The following PI4KA variants were observed in gnomAD, a reference collection of about 807,000 sequenced individuals.
PI4KA encodes PI4-kinase alpha.
PI4KA carries 122 observed loss-of-function variants against 271.4 expected under a neutral mutation model. That is an observed-to-expected ratio of 0.45 (90% CI 0.39 to 0.52). The LOEUF (loss-of-function observed/expected upper bound fraction) is 0.52, where lower values mean the gene tolerates loss of function less well. PI4KA is among the 20% of genes least tolerant of loss of function. The pLI is 0.00. For missense variants in PI4KA, 1,969 were observed against 2,769.1 expected, an observed-to-expected ratio of 0.71 and a Z score of 6.48; for synonymous variants, 1,041 against 1,078.8, an observed-to-expected ratio of 0.96 and a Z score of 0.69.
At chr22:20,774,322 T>C (rs936610871) in intron 19 of PI4KA, among the ~76,000 whole-genome samples, 8 of 152,218 alleles carry the variant, frequency 5.3e-5, no homozygotes, top group African/African-American at 9.7e-5. Flanking sequence ...AGTTCCATTG[T>C]TGGGAGAGTT....
At position 20,733,771 on chromosome 22, in the gene PI4KA, G is replaced by A. The variant is rs149385089; in HGVS notation, c.4125C>T (p.Arg1375=). Reference sequence around the variant, plus strand: ...CAAAGGCAGTGGAGTAGATCTTCTCGCGAAGCACATTGCGGATGGTTGCAT... The same window carrying A: ...CAAAGGCAGTGGAGTAGATCTTCTCACGAAGCACATTGCGGATGGTTGCAT... The part of the protein sequence containing the change: ...VPNATIRNVL[R]EKIYSTAFDY... The change falls in exon 35 of 55, where the codon CGC becomes CGT. Residue 1375 remains arginine, a synonymous_variant. Transcript: ENST00000255882. 111 of 1,613,452 alleles carry A rather than the reference G, an allele frequency of 6.9e-5. No homozygotes were observed. The African/African-American group carries it at 9.6e-4, about 14-fold the overall frequency.
intron 19 of PI4KA, among the ~76,000 whole-genome samples, chr22:20,771,009 G>T (rs564127136): frequency 6.6e-6 from 1 of 151,914 alleles, no homozygotes; most frequent in South Asian, 2.1e-4. Flanking sequence ...GTGAGACCCC[G>T]CTTTTTTCTA....
intron 1 of PI4KA, among the ~76,000 whole-genome samples, chr22:20,844,826 A>G (rs761107751): frequency 1.1e-4 from 17 of 152,230 alleles, no homozygotes; most frequent in Non-Finnish European, 2.2e-4. Flanking sequence ...ACATATGATG[A>G]AACAGACACA....
chr22:20,758,021 G>A (rs1177286032), intron 23 of PI4KA, among the ~76,000 whole-genome samples: 1 of 152,092 alleles, frequency 6.6e-6, no homozygotes, highest in Non-Finnish European at 1.5e-5. Context: ...TCCACACACA[G>A]CCCAGGATGG....
intron 1 of PI4KA, among the ~76,000 whole-genome samples, chr22:20,844,870 TA>T (rs1555909789): frequency 6.6e-6 from 1 of 152,196 alleles, no homozygotes; most frequent in Non-Finnish European, 1.5e-5. Context: ...GATAAAGCAT[TA>T]ACCCTCTAGT....
chr22:20,716,474 G>A (rs1926018096), intron 45 of PI4KA, among the ~76,000 whole-genome samples: 1 of 152,200 alleles, frequency 6.6e-6, no homozygotes, highest in African/African-American at 2.4e-5. Context: ...AGCCCTGAGA[G>A]GTGGGCTTTG....
chr22:20,742,079 T>C, intron 32 of PI4KA, 149 bp downstream of exon 32: 2 of 765,862 alleles, frequency 2.6e-6, no homozygotes, highest in Non-Finnish European at 2.1e-6. Context: ...CTGTCAGGTA[T>C]AATAATAGAA....
intron 22 of PI4KA, among the ~76,000 whole-genome samples, chr22:20,763,982 G>A (rs990250305): frequency 1.3e-5 from 2 of 152,202 alleles, no homozygotes; most frequent in Non-Finnish European, 2.9e-5. Flanking sequence ...TGGCAACAAT[G>A]AAAGGCTAAA....
intron 1 of PI4KA, among the ~76,000 whole-genome samples, chr22:20,849,044 G>T (rs1926629595): frequency 6.6e-6 from 1 of 152,142 alleles, no homozygotes; most frequent in Non-Finnish European, 1.5e-5. Flanking sequence ...CTCCAAAGAA[G>T]ATCTACAAAT....
intron 45 of PI4KA, 32 bp from the exon 46 acceptor site, chr22:20,714,732 G>C: frequency 6.2e-7 from 1 of 1,604,582 alleles, no homozygotes; most frequent in Non-Finnish European, 8.5e-7. Context: ...CACAGGGAGT[G>C]CATGTGTCAC....
chr22:20,751,366 T>G lies in PI4KA; in HGVS notation c.3080A>C (p.Lys1027Thr), dbSNP rs766657047. 5 of 1,613,616 alleles carry G rather than the reference T, an allele frequency of 3.1e-6. No homozygotes were observed. The African/African-American group carries it at 6.7e-5, about 22-fold the overall frequency. ...GGGGATGTCATAGTAAGGCTGATCC[T>G]TGTGAATATCCTGCAAGCACAGCAA... ...LSLSLSADIH[K>T]DQPYYDIPDA... Residue 1027 changes from lysine to threonine, a missense_variant, in exon 27 of 55, where the codon AAG (lysine) becomes ACG (threonine). By Grantham distance (78) the Lys-to-Thr change is moderately conservative. Around this residue, in one of 13 missense-constraint regions of PI4KA, gnomAD observed 368 missense variants for 544.3 expected, o/e 0.68. Coordinates refer to ENST00000255882, the MANE Select transcript of PI4KA (RefSeq NM_058004.4).
At position 20,792,862 on chromosome 22, in the gene PI4KA, G is replaced by GC. The variant is rs200151035; in HGVS notation, c.2328+330dup. ...GGGATGGAAGCAGGGAGCTGGCCCAGCATCAGTCACAAGGGCATGAGACAC... is the reference window on the plus strand; with the variant it reads ...GGGATGGAAGCAGGGAGCTGGCCCAGCCATCAGTCACAAGGGCATGAGACAC... On this transcript the variant is annotated intron_variant, in intron 19 of 54. Transcript: ENST00000255882. Among the ~76,000 whole-genome samples, 43 of 152,330 alleles carry GC rather than the reference G, an allele frequency of 2.8e-4. 1 individual carries two copies. In the East Asian group the frequency reaches 8.1e-3, roughly 29 times the overall value.
intron 22 of PI4KA, among the ~76,000 whole-genome samples, chr22:20,762,240 A>G (rs1932042334): frequency 6.6e-6 from 1 of 152,120 alleles, no homozygotes; most frequent in Non-Finnish European, 1.5e-5. Context: ...CTCTGCACCA[A>G]CCTGTCAAGA....
chr22:20,819,658 C>T lies in PI4KA; in HGVS notation c.772G>A (p.Val258Met). 2 of 1,614,040 alleles carry T rather than the reference C, an allele frequency of 1.2e-6. No individual in the cohort carries two copies. Among genetic ancestry groups the T allele is most frequent in the Non-Finnish European group, 1.7e-6 (2 of 1,179,964 alleles). The part of the protein sequence containing the change: ...EGTLKRKTSS[V>M]SSISQVSPER... The stretch of plus-strand genomic sequence containing the variant: ...AGGCCCACCTGAGAGATGCTGGACA[C>T]ACTGCTGGTTTTCCTCTTCAGGGTA... Residue 258 changes from valine (V) to methionine (M), a missense_variant, in exon 6 of 55, where the codon GTG becomes ATG. Val to Met is a conservative substitution (Grantham distance 21). This residue lies in a region of PI4KA where 540 missense variants were observed against 555.5 expected (regional missense o/e 0.97). Coordinates refer to ENST00000255882, the MANE Select transcript of PI4KA (RefSeq NM_058004.4).
chr22:20,721,550 A>T, intron 42 of PI4KA, 132 bp from the exon 43 acceptor site: 1 of 895,994 alleles, frequency 1.1e-6, no homozygotes, highest in Non-Finnish European at 1.8e-6. Flanking sequence ...TGGTGTGGAC[A>T]AGCTCTCCAG....
At chr22:20,748,852 G>C (rs1385991754) in intron 28 of PI4KA, among the ~76,000 whole-genome samples, 4 of 152,136 alleles carry the variant, frequency 2.6e-5, no homozygotes, top group African/African-American at 9.7e-5. Flanking sequence ...CAGATTCGGG[G>C]AAGGCTGAGG....
chr22:20,773,871 C>A (rs1933035715), intron 19 of PI4KA: 2 of 152,280 alleles, frequency 1.3e-5, no homozygotes, highest in Non-Finnish European at 2.9e-5. Flanking sequence ...TGCTCCTGCA[C>A]CAAGGCTATG....
chr22:20,849,454 A>G (rs1926685310), intron 1 of PI4KA, among the ~76,000 whole-genome samples: 1 of 152,220 alleles, frequency 6.6e-6, no homozygotes, highest in Admixed American at 6.5e-5. Flanking sequence ...ACATCCACCT[A>G]CTAATGAATG....
intron 7 of PI4KA, among the ~76,000 whole-genome samples, chr22:20,816,887 GC>G (rs1324385916): frequency 2.0e-5 from 3 of 152,170 alleles, no homozygotes; most frequent in Non-Finnish European, 4.4e-5. Context: ...ATGGAGAGGA[GC>G]CCTCACCACA....
Sources: allele counts gnomAD v4.1 joint callset (sites outside exome capture counted in the v4.1 genomes callset), GRCh38; gene constraint gnomAD v4.1.1; regional missense constraint gnomAD v4.1.1; transcripts MANE v1.5; gene names NCBI Gene and HGNC (gene_info 2026-07-23, HGNC 2026-07-21).